CCSER1: variants seen among roughly 807,000 people sequenced by gnomAD.
CCSER1 encodes coiled-coil serine rich protein 1, also known as serine-rich coiled-coil domain-containing protein 1.
Under a neutral mutation model 82.0 loss-of-function variants are expected in CCSER1, and 41 were observed. The ratio of observed to expected loss-of-function variants is 0.50; its 90% CI spans 0.39 to 0.65. The LOEUF (loss-of-function observed/expected upper bound fraction) is 0.65, where lower values mean the gene tolerates loss of function less well. Among genes scored for constraint, CCSER1 ranks in the 30% least tolerant of loss-of-function variants. The probability of loss-of-function intolerance (pLI) is 0.00; values close to 1 mark genes in which losing one functional copy is unlikely to be tolerated. For synonymous variants in CCSER1, 414 were observed against 383.9 expected (o/e 1.08, Z -0.92); for missense variants, 1,119 against 1,064.2 (o/e 1.05, Z -0.72).
chr4:90,670,635 C>T (rs1220773133), intron 6 of CCSER1, among the ~76,000 whole-genome samples: 1 of 151,962 alleles, frequency 6.6e-6, no homozygotes, highest in South Asian at 2.1e-4. Context: ...GCAGCTGGAT[C>T]AAATAAAGAG....
rs572737427 is a variant in CCSER1 at position 90,178,281 on chromosome 4, AATGAAGCTTATTG to A, written c.-42+50452_-42+50464del. 1.5e-3 allele frequency among the ~76,000 whole-genome samples: 227 copies of A among 152,248 alleles called. 2 individuals carry two copies. Among genetic ancestry groups the A allele is most frequent in the African/African-American group, 5.3e-3 (220 of 41,548 alleles). Reference sequence around the variant, plus strand: ...ATTTCATGGTTGCTTTTGGCTTTAAAATGAAGCTTATTGAAATTATAGTAAAAATACAGTAACA... The same window carrying A: ...ATTTCATGGTTGCTTTTGGCTTTAAAAAATTATAGTAAAAATACAGTAACA... On this transcript the variant is annotated intron_variant, in intron 1 of 10. Transcript: ENST00000509176.
At chr4:90,158,711 G>A (rs559846459) in intron 1 of CCSER1, among the ~76,000 whole-genome samples, 243 of 152,282 alleles carry the variant, frequency 1.6e-3, no homozygotes, top group African/African-American at 5.5e-3. Flanking sequence ...CTGCTGCGCC[G>A]TTTTTTAAGC....
At position 91,170,014 on chromosome 4, in the gene CCSER1, C is replaced by T. The variant is rs371308290; in HGVS notation, c.2217+84020C>T. ...TCTTTTAAAAAGAAAGCACATTTCA[C>T]TGACTGACCTGTGTCCTTTTTGACT... is the stretch of plus-strand genomic sequence containing the variant. On this transcript the variant is annotated intron_variant, in intron 10 of 10. Coordinates refer to ENST00000509176, the MANE Select transcript of CCSER1 (RefSeq NM_001145065.2). Among the ~76,000 whole-genome samples the T allele has an allele frequency of 2.9e-3, 446 of 152,324 alleles. 1 individual carries two copies. The highest frequency in any genetic ancestry group is 0.01 in the African/African-American group (420 of 41,570).
At chr4:91,568,561 A>AT (rs1763012540) in intron 10 of CCSER1, among the ~76,000 whole-genome samples, 1 of 151,436 alleles carries the variant, frequency 6.6e-6, no homozygotes. Flanking sequence ...ATTTTTGTTT[A>AT]TTTTTGTCCG....
At chr4:90,930,523 A>G (rs1006324988) in intron 9 of CCSER1, among the ~76,000 whole-genome samples, 7 of 152,014 alleles carry the variant, frequency 4.6e-5, no homozygotes, top group Non-Finnish European at 1.0e-4. Context: ...GAGGCAGGAG[A>G]ATGGTGTAAA....
intron 10 of CCSER1, among the ~76,000 whole-genome samples, chr4:91,115,840 T>TA: frequency 8.1e-6 from 1 of 123,500 alleles, no homozygotes. Context: ...TTTCCATTCT[T>TA]TTATATATAT....
At chr4:90,891,027 T>G (rs542048351) in intron 8 of CCSER1, among the ~76,000 whole-genome samples, 1 of 152,256 alleles carries the variant, frequency 6.6e-6, no homozygotes, top group Admixed American at 6.5e-5. Flanking sequence ...AATATCCTGA[T>G]GTAGATTCTT....
intron 5 of CCSER1, among the ~76,000 whole-genome samples, chr4:90,509,835 A>G (rs2153616246): frequency 6.6e-6 from 1 of 151,182 alleles, no homozygotes; most frequent in East Asian, 1.9e-4. Flanking sequence ...AATATTTAAA[A>G]CGTGCTTTAT....
At chr4:91,322,835 A>G (rs1352603395) in intron 10 of CCSER1, among the ~76,000 whole-genome samples, 2 of 152,148 alleles carry the variant, frequency 1.3e-5, no homozygotes, top group Non-Finnish European at 2.9e-5. Context: ...CAAATTGCAA[A>G]TCTGATTGTG....
At chr4:91,385,255 T>C (rs1751209060) in intron 10 of CCSER1, among the ~76,000 whole-genome samples, 1 of 151,916 alleles carries the variant, frequency 6.6e-6, no homozygotes, top group South Asian at 2.1e-4. Context: ...ATGAGGAAGA[T>C]ATTTATGAAA....
At chr4:91,413,695 T>G (rs188117301) in intron 10 of CCSER1, among the ~76,000 whole-genome samples, 2 of 152,100 alleles carry the variant, frequency 1.3e-5, no homozygotes, top group Admixed American at 1.3e-4. Flanking sequence ...TACAGAATAA[T>G]AAAGCTCTGG....
At chr4:90,303,888 T>C (rs1210181787) in intron 1 of CCSER1, among the ~76,000 whole-genome samples, 3 of 151,416 alleles carry the variant, frequency 2.0e-5, no homozygotes, top group Non-Finnish European at 3.0e-5. Flanking sequence ...GAGAAAATTT[T>C]CGCAACCTAC....
intron 10 of CCSER1, among the ~76,000 whole-genome samples, chr4:91,328,838 G>A (rs1443822536): frequency 6.6e-6 from 1 of 152,032 alleles, no homozygotes; most frequent in Non-Finnish European, 1.5e-5. Context: ...TCAAGGATGG[G>A]ACCACGTAGA....
chr4:91,254,219 C>T (rs141590725), intron 10 of CCSER1, among the ~76,000 whole-genome samples: 3 of 152,078 alleles, frequency 2.0e-5, no homozygotes. Context: ...ATCTAACAGA[C>T]GTATACACAG....
At chr4:91,156,910 C>T (rs1045996839) in intron 10 of CCSER1, among the ~76,000 whole-genome samples, 2 of 151,910 alleles carry the variant, frequency 1.3e-5, no homozygotes. Flanking sequence ...GGGACATACT[C>T]TTATAGCAGT....
chr4:90,776,570 A>G (rs917276664), intron 7 of CCSER1, among the ~76,000 whole-genome samples: 4 of 152,350 alleles, frequency 2.6e-5, no homozygotes, highest in Non-Finnish European at 4.4e-5. Context: ...TTAATAGGAA[A>G]CATGACTTAT....
intron 8 of CCSER1, among the ~76,000 whole-genome samples, chr4:90,879,577 GA>G (rs1720944638): frequency 1.8e-5 from 2 of 109,286 alleles, no homozygotes; most frequent in African/African-American, 7.4e-5. Context: ...AGAGGAAGAA[GA>G]AGAAGAGGAG....
intron 6 of CCSER1, among the ~76,000 whole-genome samples, chr4:90,647,368 CAT>C (rs1262521991): frequency 6.6e-6 from 1 of 152,100 alleles, no homozygotes; most frequent in East Asian, 1.9e-4. Flanking sequence ...CAGGTAGACA[CAT>C]ATGAGCACGT....
At chr4:90,440,643 G>C (rs983928019) in intron 4 of CCSER1, among the ~76,000 whole-genome samples, 2 of 151,988 alleles carry the variant, frequency 1.3e-5, no homozygotes, top group Non-Finnish European at 2.9e-5. Context: ...AGTGCTGTGG[G>C]TTTTGCAGTT....
Sources: allele counts gnomAD v4.1 joint callset (sites outside exome capture counted in the v4.1 genomes callset), GRCh38; gene constraint gnomAD v4.1.1; transcripts MANE v1.5; gene names NCBI Gene and HGNC (gene_info 2026-07-23, HGNC 2026-07-21).